Variants in BANP observed in about 807,000 individuals in gnomAD.
BANP encodes protein BANP.
In BANP, 11 loss-of-function variants were observed where a neutral mutation model predicts 68.1. That is an observed-to-expected ratio of 0.16 (90% CI 0.10 to 0.27). The LOEUF (loss-of-function observed/expected upper bound fraction) is 0.27. Among genes scored for constraint, BANP ranks in the 10% least tolerant of loss-of-function variants. BANP has a pLI of 1.00. For synonymous variants in BANP, 329 were observed against 303.2 expected (o/e 1.09, Z -0.88); for missense variants, 504 against 722.7 (o/e 0.70, Z 3.47).
chr16:88,048,626 C>T (rs949110931), intron 11 of BANP, among the ~76,000 whole-genome samples: 1 of 151,604 alleles, frequency 6.6e-6, no homozygotes, highest in Non-Finnish European at 1.5e-5. Context: ...CTGCACTCAC[C>T]ACAGATTAAA....
intron 11 of BANP, among the ~76,000 whole-genome samples, chr16:88,059,900 G>A (rs955778547): frequency 1.3e-5 from 2 of 152,202 alleles, no homozygotes; most frequent in African/African-American, 4.8e-5. Flanking sequence ...CTGGAGCCAC[G>A]GCCTGGTGGG....
chr16:88,004,247 T>G lies in BANP; in HGVS notation c.363-48T>G. 1 of 1,105,038 alleles carries G rather than the reference T, an allele frequency of 9.0e-7. No homozygotes were observed. The highest frequency in any genetic ancestry group is 1.3e-6 in the Non-Finnish European group (1 of 743,594). 68.5% of individuals were successfully genotyped at this position (1,105,038 alleles called of 1,614,324 possible). A position where few individuals can be genotyped will look rare whatever the true frequency, so the allele number is the denominator to read the frequency against. ...CTCTTATGTGCTCTTACCATGAATG[T>G]TGTTGTTTTAAGGCCTTCTTTTTCT... On this transcript the variant is annotated intron_variant, in intron 4 of 13. Transcript: ENST00000682872. This position sits in a 1 kb window ranked among gnomAD's most constrained non-coding sequence, Gnocchi z 7.0.
At chr16:87,967,127 C>T (rs2060160947) in intron 1 of BANP, among the ~76,000 whole-genome samples, 1 of 152,166 alleles carries the variant, frequency 6.6e-6, no homozygotes, top group Non-Finnish European at 1.5e-5. Flanking sequence ...CCACAGCTGT[C>T]GTGGGCTCTT....
chr16:88,035,494 A>G (rs1430148897), intron 10 of BANP, 100 bp downstream of exon 10: 5 of 1,182,932 alleles, frequency 4.2e-6, no homozygotes, highest in South Asian at 1.4e-5. Context: ...GGGAGCCCCC[A>G]GGACAGGGAA....
intron 1 of BANP, among the ~76,000 whole-genome samples, chr16:87,958,472 G>T (rs924806203): frequency 6.6e-6 from 1 of 152,208 alleles, no homozygotes; most frequent in East Asian, 1.9e-4. Context: ...TCTACTAGCG[G>T]GTGGTTATGC....
intron 6 of BANP, among the ~76,000 whole-genome samples, chr16:88,007,879 A>T (rs1330842846): frequency 1.3e-5 from 2 of 152,174 alleles, no homozygotes; most frequent in African/African-American, 2.4e-5. Flanking sequence ...GTTGAGATCT[A>T]ATTTATATAC....
chr16:88,054,532 C>G (rs2084470408), intron 11 of BANP, among the ~76,000 whole-genome samples: 1 of 152,198 alleles, frequency 6.6e-6, no homozygotes, highest in Non-Finnish European at 1.5e-5. Context: ...GTCACCCTCT[C>G]CGTTGCCCTT....
chr16:88,069,769 G>A (rs911266680), intron 12 of BANP, among the ~76,000 whole-genome samples: 2 of 152,200 alleles, frequency 1.3e-5, no homozygotes, highest in Non-Finnish European at 2.9e-5. Flanking sequence ...AAAAACGAAC[G>A]TTTGTTCCTT....
rs1021169119 is a variant in BANP at position 88,018,299 on chromosome 16, G to A, written c.656-129G>A. 4.1e-6 allele frequency: 5 copies of A among 1,216,882 alleles called. No individual in the cohort carries two copies. In the Admixed American group the frequency reaches 1.1e-4, roughly 27 times the overall value. The allele number at this position is 1,216,882 out of a possible 1,614,324, so 75.4% of individuals were successfully genotyped here. On this transcript the variant is annotated intron_variant, in intron 6 of 13. Transcript: ENST00000682872. The surrounding 1 kb of genome is among the most constrained non-coding windows in gnomAD (Gnocchi z 7.7). ...AGCGCTCTTGGTGACTGCCTCACAAGTTACGAGGGATTTGCCCAGCCCTGC... is the reference window on the plus strand; with the variant it reads ...AGCGCTCTTGGTGACTGCCTCACAAATTACGAGGGATTTGCCCAGCCCTGC...
chr16:88,011,940 T>C (rs1239650780), intron 6 of BANP, among the ~76,000 whole-genome samples: 1 of 152,234 alleles, frequency 6.6e-6, no homozygotes. Flanking sequence ...CGTAGACATC[T>C]AGCCAGTAGA....
intron 8 of BANP, among the ~76,000 whole-genome samples, chr16:88,028,051 G>A (rs1024660877): frequency 6.6e-6 from 1 of 152,232 alleles, no homozygotes; most frequent in African/African-American, 2.4e-5. Flanking sequence ...CATGGCCTTA[G>A]TTGGATTTAT....
intron 6 of BANP, among the ~76,000 whole-genome samples, chr16:88,016,777 G>A (rs2074675252): frequency 6.6e-6 from 1 of 152,188 alleles, no homozygotes; most frequent in South Asian, 2.1e-4. Context: ...CGGATGTTCT[G>A]AAAAAATGCA....
chr16:88,028,955 A>G lies in BANP; in HGVS notation c.1063+1305A>G, dbSNP rs2077541400. Among the ~76,000 whole-genome samples the G allele has an allele frequency of 2.0e-5, 3 of 152,196 alleles. No homozygotes were observed. The South Asian group carries it at 6.2e-4, about 32-fold the overall frequency. On this transcript the variant is annotated intron_variant, in intron 8 of 13. Transcript: ENST00000682872. ...TATTTTTCCCTTTGTCTTTCATTGT[A>G]GTTTCTCAGTTATTTCCAATAAGCA...
intron 4 of BANP, among the ~76,000 whole-genome samples, chr16:87,987,712 CAAA>C (rs66648819): frequency 2.4e-3 from 73 of 30,364 alleles, no homozygotes; most frequent in African/African-American, 8.4e-3. Flanking sequence ...GACCCTAACT[CAAA>C]AAAAAAAAAA....
At chr16:88,028,238 C>G (rs906238994) in intron 8 of BANP, among the ~76,000 whole-genome samples, 4 of 152,246 alleles carry the variant, frequency 2.6e-5, no homozygotes, top group African/African-American at 9.6e-5. Flanking sequence ...TTAAAGCTCC[C>G]CACAGTAGCT....
At chr16:88,042,488 A>T (rs2152787636) in intron 11 of BANP, among the ~76,000 whole-genome samples, 1 of 152,282 alleles carries the variant, frequency 6.6e-6, no homozygotes, top group South Asian at 2.1e-4. Context: ...CTCCAGTGCT[A>T]TCTCTGTCTT....
At chr16:88,069,768 C>T (rs182951443) in intron 12 of BANP, among the ~76,000 whole-genome samples, 18 of 152,342 alleles carry the variant, frequency 1.2e-4, no homozygotes, top group Admixed American at 9.1e-4. Flanking sequence ...AAAAAACGAA[C>T]GTTTGTTCCT....
rs185286035 is a variant in BANP, at chr16:88,002,980, C to A, written c.363-1315C>A. 1.6e-4 allele frequency among the ~76,000 whole-genome samples: 24 copies of A among 152,050 alleles called. No individual in the cohort carries two copies. Among genetic ancestry groups the A allele is most frequent in the Admixed American group, 1.6e-3 (24 of 15,266 alleles). ...ATGCTGTGAGCCTAGGATCCCGGGGCCACCAGTGTTCCATAGCCTCCACTT... is the reference window on the plus strand; with the variant it reads ...ATGCTGTGAGCCTAGGATCCCGGGGACACCAGTGTTCCATAGCCTCCACTT... On this transcript the variant is annotated intron_variant, in intron 4 of 13. Transcript: ENST00000682872. This position sits in a 1 kb window ranked among gnomAD's most constrained non-coding sequence, Gnocchi z 4.6.
At chr16:87,964,004 C>T (rs762557410) in intron 1 of BANP, among the ~76,000 whole-genome samples, 7 of 152,196 alleles carry the variant, frequency 4.6e-5, no homozygotes, top group East Asian at 1.9e-4. Context: ...GACCAGCTAC[C>T]GTTAGCCTTT....
Sources: allele counts gnomAD v4.1 joint callset (sites outside exome capture counted in the v4.1 genomes callset), GRCh38; gene constraint gnomAD v4.1.1; non-coding constraint Gnocchi (gnomAD v3.1); transcripts MANE v1.5; gene names NCBI Gene and HGNC (gene_info 2026-07-23, HGNC 2026-07-21).